The following MAML1 variants were observed in gnomAD, a reference collection of about 807,000 sequenced individuals.
MAML1 encodes the protein mastermind like transcriptional coactivator 1.
In MAML1, 14 loss-of-function variants were observed where a neutral mutation model predicts 77.1. The ratio of observed to expected loss-of-function variants is 0.18; its 90% CI spans 0.12 to 0.28. MAML1 has a LOEUF of 0.28. MAML1 is among the 10% of genes least tolerant of loss of function. The pLI is 1.00. For missense variants in MAML1, 1,217 were observed against 1,327.8 expected, an observed-to-expected ratio of 0.92 and a Z score of 1.30; for synonymous variants, 516 against 551.9, an observed-to-expected ratio of 0.93 and a Z score of 0.91.
intron 2 of MAML1, among the ~76,000 whole-genome samples, chr5:179,767,663 C>T (rs1437771688): frequency 3.9e-5 from 6 of 152,206 alleles, no homozygotes; most frequent in Non-Finnish European, 7.3e-5. Context: ...TGTCTCACGC[C>T]GTTCAGCACC....
chr5:179,745,859 CA>C (rs36036714), intron 1 of MAML1, among the ~76,000 whole-genome samples: 21,484 of 62,908 alleles, frequency 0.34, 2,234 homozygotes, highest in South Asian at 0.48. Flanking sequence ...AACTCCGTCT[CA>C]AAAAAAAAAA....
At position 179,769,098 on chromosome 5, in the gene MAML1, A is replaced by G. The variant is rs1446336243; in HGVS notation, c.1971+9A>G. Reference sequence around the variant, plus strand: ...ACCTTCTCGCGGAACAGGTAAAAAGAAAAGTGGAAGGAAACCACCGCTTCC... The same window carrying G: ...ACCTTCTCGCGGAACAGGTAAAAAGGAAAGTGGAAGGAAACCACCGCTTCC... On this transcript the variant is annotated intron_variant, in intron 3 of 4. Coordinates refer to ENST00000292599, the MANE Select transcript of MAML1 (RefSeq NM_014757.5). This position sits in a 1 kb window ranked among gnomAD's most constrained non-coding sequence, Gnocchi z 4.2. 6.2e-7 allele frequency: 1 copy of G among 1,613,440 alleles called. No individual in the cohort carries two copies. The highest frequency in any genetic ancestry group is 8.5e-7 in the Non-Finnish European group (1 of 1,179,496).
chr5:179,748,775 G>C (rs1178271706), intron 1 of MAML1, among the ~76,000 whole-genome samples: 1 of 152,130 alleles, frequency 6.6e-6, no homozygotes, highest in East Asian at 1.9e-4. Context: ...GGATGGGAGG[G>C]TACCAGGTCA....
chr5:179,743,513 C>T (rs1367957162), intron 1 of MAML1, among the ~76,000 whole-genome samples: 1 of 151,402 alleles, frequency 6.6e-6, no homozygotes, highest in Non-Finnish European at 1.5e-5. Context: ...ACTACAGGCG[C>T]CCACCACCAC....
At chr5:179,753,657 T>A (rs28687070) in intron 1 of MAML1, among the ~76,000 whole-genome samples, 811 of 73,404 alleles carry the variant, frequency 0.011, 7 homozygotes, top group African/African-American at 0.04. Context: ...TATTATTATT[T>A]TTTTTTTTTT....
In MAML1 at chr5:179,773,896, G is replaced by T. The variant is rs116011870; in HGVS notation, c.2070G>T (p.Gly690=). 2 of 1,612,068 alleles carry T rather than the reference G, an allele frequency of 1.2e-6. No individual in the cohort carries two copies. The highest frequency in any genetic ancestry group is 1.7e-6 in the Non-Finnish European group (2 of 1,178,514). Residue 690 remains glycine, a splice_region_variant and synonymous_variant, in exon 5 of 5, where the codon GGG becomes GGT. Coordinates refer to ENST00000292599, the MANE Select transcript of MAML1 (RefSeq NM_014757.5). Reference sequence around the variant, plus strand: ...GCCAGACTCTTCTCTGTCTTGTAGGGTCCTCTGCTGCCGTGCCCGGCATGA... The same window carrying T: ...GCCAGACTCTTCTCTGTCTTGTAGGTTCCTCTGCTGCCGTGCCCGGCATGA... ...SFPQQVGQFT[G]SSAAVPGMNT...
At chr5:179,765,203 A>C in intron 1 of MAML1, 123 bp from the exon 2 acceptor site, 4 of 750,584 alleles carry the variant, frequency 5.3e-6, no homozygotes, top group Non-Finnish European at 8.7e-6. Context: ...CAGAAATGGG[A>C]GTGTACACTA....
chr5:179,741,317 G>A (rs1231591730), intron 1 of MAML1, among the ~76,000 whole-genome samples: 1 of 152,172 alleles, frequency 6.6e-6, no homozygotes, highest in Admixed American at 6.6e-5. Context: ...TTGCAAAGCC[G>A]AGTTCAGGGC....
At chr5:179,747,808 CAAAA>C (rs71001044) in intron 1 of MAML1, among the ~76,000 whole-genome samples, 6 of 40,894 alleles carry the variant, frequency 1.5e-4, no homozygotes, top group African/African-American at 3.9e-4. Context: ...GACTCCATCT[CAAAA>C]AAAAAAAAAA....
chr5:179,751,563 G>A lies in MAML1; in HGVS notation c.316-13763G>A, dbSNP rs193149007. ...CTACTAAAAATACAAAAATTAGCCG[G>A]GCATGGTGGCGCACACCTGTAATCC... On this transcript the variant is annotated intron_variant, in intron 1 of 4. Coordinates refer to ENST00000292599, the MANE Select transcript of MAML1 (RefSeq NM_014757.5). 7.3e-3 allele frequency among the ~76,000 whole-genome samples: 1,104 copies of A among 152,152 alleles called. 9 individuals carry two copies. Among genetic ancestry groups the A allele is most frequent in the Middle Eastern group, 0.027 (8 of 294 alleles).
intron 1 of MAML1, among the ~76,000 whole-genome samples, chr5:179,752,108 A>G (rs1779499315): frequency 6.6e-6 from 1 of 151,964 alleles, no homozygotes; most frequent in South Asian, 2.1e-4. Flanking sequence ...TGGGTGGATC[A>G]CGAGGTGAAG....
At chr5:179,755,421 C>G (rs982855140) in intron 1 of MAML1, among the ~76,000 whole-genome samples, 4 of 152,128 alleles carry the variant, frequency 2.6e-5, no homozygotes, top group Non-Finnish European at 5.9e-5. Flanking sequence ...CTTTGGTCTT[C>G]AGGGATGGAA....
At chr5:179,751,953 G>C (rs549521491) in intron 1 of MAML1, among the ~76,000 whole-genome samples, 1 of 152,020 alleles carries the variant, frequency 6.6e-6, no homozygotes, top group Non-Finnish European at 1.5e-5. Flanking sequence ...GCAGTGAGCT[G>C]TGATTGCACC....
chr5:179,769,090 G>GT lies in MAML1; in HGVS notation c.1971+2dup. 1 of 1,613,734 alleles carries GT rather than the reference G, an allele frequency of 6.2e-7. No individual in the cohort carries two copies. The highest frequency in any genetic ancestry group is 8.5e-7 in the Non-Finnish European group (1 of 1,179,676). ...GCAACAGCACCTTCTCGCGGAACAG[G>GT]TAAAAAGAAAAGTGGAAGGAAACCA... On this transcript the variant is annotated splice_donor_variant, in intron 3 of 4. Coordinates refer to ENST00000292599, the MANE Select transcript of MAML1 (RefSeq NM_014757.5). LOFTEE classifies it high-confidence loss of function. This position sits in a 1 kb window ranked among gnomAD's most constrained non-coding sequence, Gnocchi z 4.2.
Position 179,771,138 on chromosome 5 carries a change from A to G in MAML1, c.1972-9A>G. On this transcript the variant is annotated splice_polypyrimidine_tract_variant and intron_variant, in intron 3 of 4. Coordinates refer to ENST00000292599, the MANE Select transcript of MAML1 (RefSeq NM_014757.5). This position sits in a 1 kb window ranked among gnomAD's most constrained non-coding sequence, Gnocchi z 4.7. ...TTGGTTTTGTTTTGTTGTTCTTGGC[A>G]TTTTCTAGGAGAAGCAACAGTTTCA... is the stretch of plus-strand genomic sequence containing the variant. 1 of 1,612,254 alleles carries G rather than the reference A, an allele frequency of 6.2e-7. No homozygotes were observed. Among genetic ancestry groups the G allele is most frequent in the Non-Finnish European group, 8.5e-7 (1 of 1,178,466 alleles).
intron 1 of MAML1, among the ~76,000 whole-genome samples, chr5:179,760,813 C>T (rs1394456279): frequency 5.3e-5 from 8 of 152,134 alleles, no homozygotes; most frequent in African/African-American, 9.7e-5. Flanking sequence ...GGAAGCAGGC[C>T]GGGCGCAGTG....
chr5:179,732,943 C>A lies in MAML1; in HGVS notation c.-170C>A. 3.1e-6 allele frequency: 1 copy of A among 318,974 alleles called. No homozygotes were observed. Among genetic ancestry groups the A allele is most frequent in the Non-Finnish European group, 5.5e-6 (1 of 181,560 alleles). The allele number at this position is 318,974 out of a possible 1,614,324, so 19.8% of individuals were successfully genotyped here. ...CAGCAAGCGCCGGCTGGGGGTCGGG[C>A]CGAGCGGGGCAGGAGGAAAACCCGC... On this transcript the variant is annotated 5_prime_UTR_variant, in exon 1 of 5. Transcript: ENST00000292599.
Position 179,769,335 on chromosome 5 carries a change from CTGTT to C in MAML1, c.1971+250_1971+253del, listed in dbSNP as rs1015886393. Reference sequence around the variant, plus strand: ...CTCAAGGCAGACTCGGGGGCTAAAACTGTTTGTGGAAGGGACATTTTCCTATGTT... The same window carrying C: ...CTCAAGGCAGACTCGGGGGCTAAAACTGTGGAAGGGACATTTTCCTATGTT... On this transcript the variant is annotated intron_variant, in intron 3 of 4. Coordinates refer to ENST00000292599, the MANE Select transcript of MAML1 (RefSeq NM_014757.5). The surrounding 1 kb of genome is among the most constrained non-coding windows in gnomAD (Gnocchi z 4.2). Among the ~76,000 whole-genome samples the C allele has an allele frequency of 3.2e-4, 48 of 152,252 alleles. No individual in the cohort carries two copies. Among genetic ancestry groups the C allele is most frequent in the African/African-American group, 9.2e-4 (38 of 41,524 alleles).
chr5:179,747,253 G>C (rs1456343162), intron 1 of MAML1, among the ~76,000 whole-genome samples: 2 of 152,212 alleles, frequency 1.3e-5, no homozygotes, highest in African/African-American at 4.8e-5. Flanking sequence ...TGCTGTATTT[G>C]GCAGTCATCA....
Sources: allele counts gnomAD v4.1 joint callset (sites outside exome capture counted in the v4.1 genomes callset), GRCh38; gene constraint gnomAD v4.1.1; non-coding constraint Gnocchi (gnomAD v3.1); transcripts MANE v1.5; gene names NCBI Gene and HGNC (gene_info 2026-07-23, HGNC 2026-07-21).